The following ELK3 variants were observed in gnomAD, a reference collection of about 807,000 sequenced individuals.
The protein encoded by ELK3 is ETS domain-containing protein Elk-3.
A neutral mutation model predicts 28.9 loss-of-function variants in ELK3; 10 were observed. The ratio of observed to expected loss-of-function variants is 0.35; its 90% confidence interval spans 0.21 to 0.59. The LOEUF is 0.59. Ranked by LOEUF, ELK3 falls within the 20% of genes least tolerant of loss-of-function variation. The pLI is 0.82. For synonymous variants in ELK3, 272 were observed against 243.5 expected (o/e 1.12, Z -1.09); for missense variants, 463 against 517.3 (o/e 0.90, Z 1.02).
intron 1 of ELK3, among the ~76,000 whole-genome samples, chr12:96,223,145 G>A (rs561972821): frequency 9.2e-5 from 14 of 152,260 alleles, no homozygotes; most frequent in South Asian, 2.1e-4. Context: ...AGATTTGGGC[G>A]GGGCACACAT....
chr12:96,228,106 T>A (rs1951716468), intron 2 of ELK3, among the ~76,000 whole-genome samples: 1 of 151,658 alleles, frequency 6.6e-6, no homozygotes, highest in African/African-American at 2.4e-5. Flanking sequence ...TTTTAAAAAA[T>A]TTAGCACAAT....
chr12:96,260,536 C>T (rs1441955497), intron 4 of ELK3, among the ~76,000 whole-genome samples: 1 of 149,980 alleles, frequency 6.7e-6, no homozygotes, highest in African/African-American at 2.4e-5. Context: ...GCTGCTTTAT[C>T]TTATAGAACT....
rs1229358078 is a variant in ELK3, at chr12:96,269,135, C to A, written c.*1955C>A. 6.6e-6 allele frequency: 1 copy of A among 152,168 alleles called. No homozygotes were observed. Among genetic ancestry groups the A allele is most frequent in the South Asian group, 2.1e-4 (1 of 4,830 alleles). The allele number at this position is 152,168 out of a possible 1,614,324, so 9.4% of individuals were successfully genotyped here. A position where few individuals can be genotyped will look rare whatever the true frequency, so the allele number is the denominator to read the frequency against. On this transcript the variant is annotated 3_prime_UTR_variant, in exon 5 of 5. Coordinates refer to ENST00000228741, the MANE Select transcript of ELK3 (RefSeq NM_005230.4). The stretch of plus-strand genomic sequence containing the variant: ...GCTGCACAGCTCACTGAAGGTAGAA[C>A]AATGATTGGTGCTCAGTCCAATTCT...
rs1017679009 is a variant in ELK3, at chr12:96,269,561, C to T, written c.*2381C>T. The T allele has an allele frequency of 7.2e-5, 11 of 152,138 alleles. No homozygotes were observed. The highest frequency in any genetic ancestry group is 2.7e-4 in the African/African-American group (11 of 41,434). 9.4% of individuals were successfully genotyped at this position (152,138 alleles called of 1,614,324 possible). A position where few individuals can be genotyped will look rare whatever the true frequency, so the allele number is the denominator to read the frequency against. On this transcript the variant is annotated 3_prime_UTR_variant, in exon 5 of 5. Coordinates refer to ENST00000228741, the MANE Select transcript of ELK3 (RefSeq NM_005230.4). The stretch of plus-strand genomic sequence containing the variant: ...GAATAACTCACTCATATAGCTCTGC[C>T]TCATTCTGTGTGTGTGTGCATGTGT...
intron 1 of ELK3, among the ~76,000 whole-genome samples, chr12:96,222,090 T>G (rs1382210176): frequency 6.6e-6 from 1 of 152,136 alleles, no homozygotes; most frequent in African/African-American, 2.4e-5. Flanking sequence ...CAACAGTTGA[T>G]CCGTGGCAAA....
chr12:96,230,032 A>G (rs1221087412), intron 2 of ELK3, among the ~76,000 whole-genome samples: 2 of 152,186 alleles, frequency 1.3e-5, no homozygotes, highest in African/African-American at 2.4e-5. Context: ...GTCATGTACC[A>G]CATAATGTTC....
intron 3 of ELK3, among the ~76,000 whole-genome samples, chr12:96,258,173 G>T (rs1010777608): frequency 6.6e-6 from 1 of 152,224 alleles, no homozygotes; most frequent in Admixed American, 6.5e-5. Context: ...TGGAACCCTG[G>T]CAGAGCTCAT....
intron 1 of ELK3, among the ~76,000 whole-genome samples, chr12:96,209,630 TAAAG>T (rs951541815): frequency 1.1e-4 from 16 of 152,224 alleles, no homozygotes; most frequent in Non-Finnish European, 1.8e-4. Context: ...AACACCATCT[TAAAG>T]TAAGTAAATA....
intron 1 of ELK3, among the ~76,000 whole-genome samples, chr12:96,204,098 A>G (rs1206712513): frequency 6.6e-6 from 1 of 152,196 alleles, no homozygotes; most frequent in Admixed American, 6.5e-5. Context: ...CAGTGTTACT[A>G]TACTGAGAGT....
At chr12:96,254,399 T>C (rs562402214) in intron 3 of ELK3, among the ~76,000 whole-genome samples, 100 of 152,208 alleles carry the variant, frequency 6.6e-4, no homozygotes, top group Non-Finnish European at 1.3e-3. Context: ...CAAATAATTA[T>C]TGAGCAATAA....
chr12:96,216,993 G>A (rs2137009752), intron 1 of ELK3, among the ~76,000 whole-genome samples: 1 of 152,364 alleles, frequency 6.6e-6, no homozygotes, highest in South Asian at 2.1e-4. Flanking sequence ...GATGGCTCAT[G>A]CCTGTAATCC....
intron 2 of ELK3, among the ~76,000 whole-genome samples, chr12:96,239,917 C>A (rs189566789): frequency 1.3e-5 from 2 of 152,242 alleles, no homozygotes; most frequent in African/African-American, 4.8e-5. Context: ...TGTGGCGTCT[C>A]GCCTGTAGGC....
intron 1 of ELK3, among the ~76,000 whole-genome samples, chr12:96,203,079 C>T (rs910181544): frequency 6.6e-6 from 1 of 152,050 alleles, no homozygotes; most frequent in African/African-American, 2.4e-5. Context: ...GACGGGGTTT[C>T]ACCATGCTGG....
chr12:96,236,983 CCA>C (rs1478891963), intron 2 of ELK3, among the ~76,000 whole-genome samples: 1 of 152,206 alleles, frequency 6.6e-6, no homozygotes, highest in Non-Finnish European at 1.5e-5. Context: ...CTGCCTCACT[CCA>C]GTCTCTGCCT....
chr12:96,247,454 C>A lies in ELK3; in HGVS notation c.722C>A (p.Ser241Tyr). Residue 241 changes from serine to tyrosine, a missense_variant, in exon 3 of 5, where the codon TCT (serine) becomes TAT (tyrosine). This residue lies in a region of ELK3 where 408 missense variants were observed against 414.8 expected (regional missense o/e 0.98). Transcript: ENST00000228741. The surrounding 1 kb of genome is among the most constrained non-coding windows in gnomAD (Gnocchi z 5.5). ...ASISSASPFS[S>Y]RSPSLSPNSP... ...ATTTCATCCGCCTCACCCTTCTCAT[C>A]TCGGTCCCCGTCCCTGTCCCCCAAC... The A allele has an allele frequency of 6.2e-7, 1 of 1,614,192 alleles. No homozygotes were observed. Among genetic ancestry groups the A allele is most frequent in the Non-Finnish European group, 8.5e-7 (1 of 1,180,028 alleles).
rs182832930 is a variant in ELK3 at position 96,262,260 on chromosome 12, C to T, written c.1125+2407C>T. On this transcript the variant is annotated intron_variant, in intron 4 of 4. Transcript: ENST00000228741. ...TCCCAAACTCCTGACCTCAAGTGAC[C>T]TGCCTGCCTTGGTCTCCCAAATTGC... Among the ~76,000 whole-genome samples the T allele has an allele frequency of 8.5e-5, 13 of 152,266 alleles. No homozygotes were observed. In the East Asian group the frequency reaches 2.5e-3, roughly 29 times the overall value.
At chr12:96,240,459 A>G (rs150173675) in intron 2 of ELK3, among the ~76,000 whole-genome samples, 33 of 152,306 alleles carry the variant, frequency 2.2e-4, no homozygotes, top group African/African-American at 7.0e-4. Flanking sequence ...CATGAGGCAG[A>G]TGGATCAGTC....
rs757335102 is a variant in ELK3 at position 96,247,464 on chromosome 12, G to A, written c.732G>A (p.Pro244=). 3.7e-6 allele frequency: 6 copies of A among 1,613,664 alleles called. No individual in the cohort carries two copies. Among genetic ancestry groups the A allele is most frequent in the South Asian group, 1.1e-5 (1 of 91,062 alleles). Residue 244 remains proline, a synonymous_variant, in exon 3 of 5, where the codon CCG becomes CCA. Coordinates refer to ENST00000228741, the MANE Select transcript of ELK3 (RefSeq NM_005230.4). The surrounding 1 kb of genome is among the most constrained non-coding windows in gnomAD (Gnocchi z 5.5). ...SSASPFSSRS[P]SLSPNSPLPS... is the part of the protein sequence containing the mutation. ...CCTCACCCTTCTCATCTCGGTCCCCGTCCCTGTCCCCCAACTCACCCCTCC... is the reference window on the plus strand; with the variant it reads ...CCTCACCCTTCTCATCTCGGTCCCCATCCCTGTCCCCCAACTCACCCCTCC...
At chr12:96,245,870 T>C (rs1474206475) in intron 2 of ELK3, among the ~76,000 whole-genome samples, 1 of 152,228 alleles carries the variant, frequency 6.6e-6, no homozygotes, top group African/African-American at 2.4e-5. Context: ...CAATGATTAT[T>C]GCTTTTCATT....
Sources: allele counts gnomAD v4.1 joint callset (sites outside exome capture counted in the v4.1 genomes callset), GRCh38; gene constraint gnomAD v4.1.1; regional missense constraint gnomAD v4.1.1; non-coding constraint Gnocchi (gnomAD v3.1); transcripts MANE v1.5; gene names NCBI Gene and HGNC (gene_info 2026-07-23, HGNC 2026-07-21).